LRMDA: variants seen among roughly 807,000 people sequenced by gnomAD.
LRMDA encodes the protein leucine-rich melanocyte differentiation-associated protein.
LRMDA carries 18 observed loss-of-function variants against 29.8 expected under a neutral mutation model. The observed-to-expected ratio is 0.60, with a 90% CI of 0.42 to 0.90. The LOEUF (loss-of-function observed/expected upper bound fraction) is 0.90, where lower values mean the gene tolerates loss of function less well. LRMDA is among the 40% of genes least tolerant of loss of function. LRMDA has a pLI of 0.00. For synonymous variants in LRMDA, 125 were observed against 109.4 expected (o/e 1.14, Z -0.89); for missense variants, 273 against 273.9 (o/e 1.00, Z 0.02).
intron 6 of LRMDA, among the ~76,000 whole-genome samples, chr10:76,340,186 A>G (rs1226732796): frequency 2.0e-5 from 3 of 152,126 alleles, no homozygotes; most frequent in African/African-American, 7.2e-5. Flanking sequence ...AAAAAAGAAA[A>G]TGGGATTATA....
intron 2 of LRMDA, among the ~76,000 whole-genome samples, chr10:75,902,663 A>C (rs1845695261): frequency 6.6e-6 from 1 of 152,180 alleles, no homozygotes; most frequent in Non-Finnish European, 1.5e-5. Context: ...GGGCTTTTCA[A>C]ATTTGTAATG....
At chr10:76,467,357 G>A (rs747854178) in intron 6 of LRMDA, among the ~76,000 whole-genome samples, 1 of 152,252 alleles carries the variant, frequency 6.6e-6, no homozygotes, top group East Asian at 1.9e-4. Flanking sequence ...AAAGGTGAGG[G>A]GACAGTTAAC....
In LRMDA at chr10:75,782,006, C is replaced by T. The variant is rs191606093; in HGVS notation, c.132-254002C>T. On this transcript the variant is annotated intron_variant, in intron 2 of 6. Transcript: ENST00000611255. ...CCTCTCCCTCTGTGGGGAATGTGTT[C>T]GAGGATCACAGCTACAGCTTTTCGG... Among the ~76,000 whole-genome samples, 575 of 152,238 alleles carry T rather than the reference C, an allele frequency of 3.8e-3. 1 individual carries two copies. The highest frequency in any genetic ancestry group is 5.6e-3 in the Non-Finnish European group (382 of 68,022).
intron 5 of LRMDA, among the ~76,000 whole-genome samples, chr10:76,084,364 A>ATTTTTGTTTTT (rs1849099143): frequency 2.8e-5 from 2 of 70,904 alleles, no homozygotes; most frequent in Non-Finnish European, 2.6e-5. Context: ...CGCCCAGCTA[A>ATTTTTGTTTTT]TTTTTTTTTT....
chr10:76,428,250 C>A (rs1226175672), intron 6 of LRMDA, among the ~76,000 whole-genome samples: 1 of 152,062 alleles, frequency 6.6e-6, no homozygotes, highest in Non-Finnish European at 1.5e-5. Flanking sequence ...GAGAGCATAT[C>A]TAGGAGGAGC....
intron 6 of LRMDA, among the ~76,000 whole-genome samples, chr10:76,404,033 G>T (rs1297557617): frequency 6.6e-6 from 1 of 151,820 alleles, no homozygotes; most frequent in Non-Finnish European, 1.5e-5. Flanking sequence ...TTTCGCAACT[G>T]CCCCCTTCAC....
At chr10:76,553,899 G>A (rs562304231) in intron 6 of LRMDA, among the ~76,000 whole-genome samples, 3 of 152,210 alleles carry the variant, frequency 2.0e-5, no homozygotes, top group East Asian at 3.9e-4. Context: ...CCGTCCCCAC[G>A]CCTTCCTGGA....
intron 5 of LRMDA, among the ~76,000 whole-genome samples, chr10:76,151,399 G>GT (rs139078465): frequency 4.6e-5 from 7 of 151,586 alleles, no homozygotes; most frequent in African/African-American, 7.3e-5. Context: ...CCATTACCCA[G>GT]TTTTTTTTTC....
At chr10:75,899,027 T>A (rs1845629144) in intron 2 of LRMDA, among the ~76,000 whole-genome samples, 1 of 152,228 alleles carries the variant, frequency 6.6e-6, no homozygotes, top group South Asian at 2.1e-4. Context: ...ATGCTGTGCA[T>A]TGGTTACCAA....
At chr10:76,060,545 G>T (rs576858966) in intron 5 of LRMDA, among the ~76,000 whole-genome samples, 1 of 152,300 alleles carries the variant, frequency 6.6e-6, no homozygotes, top group South Asian at 2.1e-4. Context: ...GGAGCTGGAG[G>T]TTTACCTTGT....
intron 2 of LRMDA, among the ~76,000 whole-genome samples, chr10:75,887,430 G>C (rs1469806137): frequency 2.6e-5 from 4 of 152,246 alleles, no homozygotes; most frequent in Non-Finnish European, 5.9e-5. Flanking sequence ...GTTGACGGAG[G>C]CCTGGGTGGG....
At chr10:75,758,142 C>T (rs562782649) in intron 2 of LRMDA, among the ~76,000 whole-genome samples, 6 of 152,116 alleles carry the variant, frequency 3.9e-5, no homozygotes, top group Admixed American at 3.3e-4. Flanking sequence ...GCAGGTGAAC[C>T]GTAAGAGGGA....
At chr10:76,277,366 T>C (rs1840148645) in intron 5 of LRMDA, among the ~76,000 whole-genome samples, 1 of 152,208 alleles carries the variant, frequency 6.6e-6, no homozygotes, top group Non-Finnish European at 1.5e-5. Flanking sequence ...TTGTGCAGTG[T>C]TTAGTTGTAA....
intron 6 of LRMDA, among the ~76,000 whole-genome samples, chr10:76,353,731 A>T (rs914348188): frequency 1.3e-5 from 2 of 152,128 alleles, no homozygotes. Flanking sequence ...TTCCTGCTCC[A>T]GATGAAAGCT....
chr10:75,490,854 G>T (rs1436404671), intron 2 of LRMDA, among the ~76,000 whole-genome samples: 1 of 152,318 alleles, frequency 6.6e-6, no homozygotes, highest in Non-Finnish European at 1.5e-5. Flanking sequence ...GTTGTTGACT[G>T]TTATGCTGTT....
intron 5 of LRMDA, among the ~76,000 whole-genome samples, chr10:76,126,443 G>A (rs1849884876): frequency 6.6e-6 from 1 of 152,158 alleles, no homozygotes; most frequent in Non-Finnish European, 1.5e-5. Flanking sequence ...GTGGCTGCAG[G>A]AATTATAGAA....
chr10:76,365,783 C>T (rs1446551581), intron 6 of LRMDA, among the ~76,000 whole-genome samples: 1 of 152,132 alleles, frequency 6.6e-6, no homozygotes, highest in Non-Finnish European at 1.5e-5. Context: ...GTTTTTATTG[C>T]ATTTGCTTTT....
At chr10:76,475,358 T>G (rs531543827) in intron 6 of LRMDA, among the ~76,000 whole-genome samples, 1 of 151,708 alleles carries the variant, frequency 6.6e-6, no homozygotes, top group African/African-American at 2.4e-5. Flanking sequence ...AAAACTTTTA[T>G]TTAAGAAAAG....
At chr10:76,038,435 A>G (rs1409511954) in intron 3 of LRMDA, among the ~76,000 whole-genome samples, 2 of 152,202 alleles carry the variant, frequency 1.3e-5, no homozygotes, top group Non-Finnish European at 2.9e-5. Flanking sequence ...CCGAAGCAGA[A>G]GACACTGTGT....
Sources: allele counts gnomAD v4.1 joint callset (sites outside exome capture counted in the v4.1 genomes callset), GRCh38; gene constraint gnomAD v4.1.1; transcripts MANE v1.5; gene names NCBI Gene and HGNC (gene_info 2026-07-23, HGNC 2026-07-21).